The following TMEM45A variants were observed in gnomAD, a reference collection of about 807,000 sequenced individuals.
TMEM45A encodes DNA polymerase-transactivated protein 4.
TMEM45A carries 25 observed loss-of-function variants against 32.0 expected under a neutral mutation model. That is an observed-to-expected ratio of 0.78 (90% CI 0.57 to 1.09). The LOEUF (loss-of-function observed/expected upper bound fraction) is 1.09. TMEM45A is among the 50% of genes least tolerant of loss of function. TMEM45A has a pLI of 0.00. For synonymous variants in TMEM45A, 122 were observed against 114.8 expected, an observed-to-expected ratio of 1.06 and a Z score of -0.40; for missense variants, 302 against 325.0, an observed-to-expected ratio of 0.93 and a Z score of 0.54.
chr3:100,546,465 C>A lies in TMEM45A; in HGVS notation c.-3-8744C>A, dbSNP rs975466254. Among the ~76,000 whole-genome samples, 11 of 152,314 alleles carry A rather than the reference C, an allele frequency of 7.2e-5. No homozygotes were observed. The East Asian group carries it at 2.1e-3, about 29-fold the overall frequency. ...TTGCTCACTGAGTTGAATTGTGAAG[C>A]AACATGTACCTTGGAACTACAGAAT... On this transcript the variant is annotated intron_variant, in intron 1 of 5. Transcript: ENST00000323523.
At chr3:100,567,043 T>TA (rs1294381342) in intron 4 of TMEM45A, among the ~76,000 whole-genome samples, 3 of 151,862 alleles carry the variant, frequency 2.0e-5, no homozygotes, top group African/African-American at 4.8e-5. Flanking sequence ...TGTCGTAGCT[T>TA]AAAAAAAATC....
In TMEM45A at chr3:100,576,949, G is replaced by C; in HGVS notation, c.759G>C (p.Arg253Ser). The change falls in exon 6 of 6, where the codon AGG (arginine) becomes AGC (serine). Residue 253 changes from arginine to serine, a missense_variant. By Grantham distance (110) the Arg-to-Ser change is moderately radical (BLOSUM62 -1). Transcript: ENST00000323523. Reference protein sequence around the residue: ...ITWLVKSRLKRLCSSEVGLLK... With the variant: ...ITWLVKSRLKSLCSSEVGLLK... ...GGTTGGTTAAATCTAGACTTAAGAG[G>C]CTCTGCTCCTCAGAAGTTGGACTTC... The C allele has an allele frequency of 6.2e-7, 1 of 1,613,426 alleles. No individual in the cohort carries two copies. The highest frequency in any genetic ancestry group is 1.7e-5 in the Admixed American group (1 of 60,004).
chr3:100,554,807 T>C (rs1297495364), intron 1 of TMEM45A, among the ~76,000 whole-genome samples: 1 of 152,200 alleles, frequency 6.6e-6, no homozygotes. Context: ...ATCCTTTTCA[T>C]TTCTGTGTTA....
At chr3:100,515,149 A>C (rs1287563378) in intron 1 of TMEM45A, among the ~76,000 whole-genome samples, 1 of 151,484 alleles carries the variant, frequency 6.6e-6, no homozygotes, top group African/African-American at 2.4e-5. Flanking sequence ...AGGACTATAA[A>C]TCATGCTGCT....
Position 100,555,324 on chromosome 3 carries a change from G to C in TMEM45A, c.113G>C (p.Cys38Ser). ...ATCTGCAAAAAGCAAAAGCGAACCT[G>C]CTATCTTGGTTCCAAAACATTATTC... ...KYICKKQKRTCYLGSKTLFYR... is the reference protein window; with the variant it reads ...KYICKKQKRTSYLGSKTLFYR... The change falls in exon 2 of 6, where the codon TGC becomes TCC. Residue 38 changes from cysteine (C) to serine (S), a missense_variant. Physicochemically the swap from Cys to Ser is moderately radical, Grantham distance 112. Coordinates refer to ENST00000323523, the MANE Select transcript of TMEM45A (RefSeq NM_018004.3). 6.2e-7 allele frequency: 1 copy of C among 1,614,010 alleles called. No individual in the cohort carries two copies. The highest frequency in any genetic ancestry group is 1.3e-5 in the African/African-American group (1 of 75,032).
intron 1 of TMEM45A, among the ~76,000 whole-genome samples, chr3:100,533,323 A>G (rs1705682265): frequency 6.6e-6 from 1 of 151,934 alleles, no homozygotes; most frequent in Middle Eastern, 3.2e-3. Flanking sequence ...TACCGTGCAT[A>G]TTTTTTATGG....
chr3:100,519,384 TGC>T, intron 1 of TMEM45A: 1 of 582,804 alleles, frequency 1.7e-6, no homozygotes, highest in Non-Finnish European at 2.9e-6. Context: ...TGTGTGTGTG[TGC>T]ATGTGTGTGT....
chr3:100,514,934 C>G (rs1410109032), intron 1 of TMEM45A, among the ~76,000 whole-genome samples: 1 of 149,638 alleles, frequency 6.7e-6, no homozygotes, highest in Non-Finnish European at 1.5e-5. Flanking sequence ...GAGATACCAT[C>G]TCACACCAGT....
chr3:100,567,866 G>T (rs1009151984), intron 4 of TMEM45A, among the ~76,000 whole-genome samples: 3 of 152,032 alleles, frequency 2.0e-5, no homozygotes, highest in Non-Finnish European at 4.4e-5. Context: ...CTCACTGCAA[G>T]CTCCGCCTCC....
intron 1 of TMEM45A, among the ~76,000 whole-genome samples, chr3:100,501,883 A>G (rs532442420): frequency 6.6e-6 from 1 of 152,338 alleles, no homozygotes; most frequent in South Asian, 2.1e-4. Flanking sequence ...GACTGTGTCT[A>G]TCTCGGACTC....
chr3:100,558,155 G>GA (rs1706259993), intron 3 of TMEM45A, among the ~76,000 whole-genome samples: 1 of 152,184 alleles, frequency 6.6e-6, no homozygotes, highest in African/African-American at 2.4e-5. Context: ...TCCATTCATT[G>GA]AAAATGTCAC....
chr3:100,540,714 G>C (rs947348397), intron 1 of TMEM45A, among the ~76,000 whole-genome samples: 1 of 152,190 alleles, frequency 6.6e-6, no homozygotes, highest in Non-Finnish European at 1.5e-5. Flanking sequence ...CAAATGAATT[G>C]ATAACTAATG....
At chr3:100,536,062 T>A (rs999781525) in intron 1 of TMEM45A, among the ~76,000 whole-genome samples, 5 of 152,144 alleles carry the variant, frequency 3.3e-5, no homozygotes, top group Admixed American at 3.3e-4. Flanking sequence ...TCCATAGATA[T>A]TTTTGGTTGT....
chr3:100,540,916 G>A (rs1033547563), intron 1 of TMEM45A, among the ~76,000 whole-genome samples: 26 of 152,086 alleles, frequency 1.7e-4, no homozygotes, highest in African/African-American at 6.0e-4. Context: ...CTTTCCACAG[G>A]AACTGAACTA....
intron 4 of TMEM45A, among the ~76,000 whole-genome samples, chr3:100,565,309 C>CA (rs1235218683): frequency 6.6e-6 from 1 of 152,174 alleles, no homozygotes; most frequent in Non-Finnish European, 1.5e-5. Context: ...CGCCATCTGT[C>CA]AGACAGTAGA....
intron 1 of TMEM45A, among the ~76,000 whole-genome samples, chr3:100,525,429 A>G (rs1338941938): frequency 6.6e-6 from 1 of 152,170 alleles, no homozygotes; most frequent in Non-Finnish European, 1.5e-5. Flanking sequence ...CTTATGTCTG[A>G]TGGGGGGAAG....
At chr3:100,493,971 A>G (rs1707887709) in intron 1 of TMEM45A, among the ~76,000 whole-genome samples, 1 of 152,182 alleles carries the variant, frequency 6.6e-6, no homozygotes, top group Non-Finnish European at 1.5e-5. Flanking sequence ...ACCTCAGGTT[A>G]TGTGCCTCCC....
At chr3:100,535,066 T>C (rs1705717763) in intron 1 of TMEM45A, among the ~76,000 whole-genome samples, 1 of 152,216 alleles carries the variant, frequency 6.6e-6, no homozygotes, top group Admixed American at 6.5e-5. Flanking sequence ...GAAATTATTT[T>C]GTGTGTTAAC....
intron 4 of TMEM45A, among the ~76,000 whole-genome samples, chr3:100,565,334 T>C (rs1446058174): frequency 6.6e-6 from 1 of 152,188 alleles, no homozygotes; most frequent in African/African-American, 2.4e-5. Context: ...GAAGTTTTCT[T>C]TCCAATTAAA....
Sources: gnomAD v4.1 joint callset for allele counts (sites outside exome capture counted in the v4.1 genomes callset) on GRCh38, gnomAD v4.1.1 for gene constraint, MANE v1.5 for transcripts, NCBI Gene and HGNC (gene_info 2026-07-23, HGNC 2026-07-21) for gene names.